The following HELQ variants were observed in gnomAD, a reference collection of about 807,000 sequenced individuals.
HELQ encodes the protein helicase POLQ-like.
In HELQ, 77 loss-of-function variants were observed where a neutral mutation model predicts 111.6. The ratio of observed to expected loss-of-function variants is 0.69; its 90% CI spans 0.57 to 0.83. The LOEUF (loss-of-function observed/expected upper bound fraction) is 0.83, where lower values mean the gene tolerates loss of function less well. Among genes scored for constraint, HELQ ranks in the 40% least tolerant of loss-of-function variants. HELQ has a pLI of 0.00. For synonymous variants in HELQ, 438 were observed against 454.7 expected, an observed-to-expected ratio of 0.96 and a Z score of 0.47; for missense variants, 1,200 against 1,288.5, an observed-to-expected ratio of 0.93 and a Z score of 1.05.
At chr4:83,442,951 T>C (rs1014451442) in intron 6 of HELQ, among the ~76,000 whole-genome samples, 1 of 152,118 alleles carries the variant, frequency 6.6e-6, no homozygotes, top group Non-Finnish European at 1.5e-5. Flanking sequence ...ACATACACAC[T>C]AGTAGTGCAC....
chr4:83,418,355 C>A, intron 15 of HELQ, 149 bp from the exon 16 acceptor site: 1 of 451,838 alleles, frequency 2.2e-6, no homozygotes. Flanking sequence ...CTAAGCAAAA[C>A]AGATGTGAAG....
At chr4:83,413,621 T>C (rs1235927422) in intron 17 of HELQ, among the ~76,000 whole-genome samples, 1 of 152,228 alleles carries the variant, frequency 6.6e-6, no homozygotes, top group African/African-American at 2.4e-5. Flanking sequence ...AATCTAGGTC[T>C]TAACGGTTTT....
Position 83,455,417 on chromosome 4 carries a change from C to CA in HELQ, c.276dup (p.Asp93Ter), listed in dbSNP as rs1721711733. 1 of 1,613,570 alleles carries CA rather than the reference C, an allele frequency of 6.2e-7. No homozygotes were observed. The highest frequency in any genetic ancestry group is 1.3e-5 in the African/African-American group (1 of 74,910). ...CGTACCTGGTCTCCCACCCCTCTGT[C>CA]AGTGGGCATGTGACGTAGGAGGTCC... On this transcript the variant is annotated frameshift_variant, in exon 1 of 18. Coordinates refer to ENST00000295488, the MANE Select transcript of HELQ (RefSeq NM_133636.5). LOFTEE classifies it high-confidence loss of function.
intron 16 of HELQ, among the ~76,000 whole-genome samples, chr4:83,417,589 C>T (rs565448049): frequency 5.9e-5 from 9 of 152,288 alleles, no homozygotes; most frequent in Admixed American, 3.9e-4. Flanking sequence ...CTAAGCAGAA[C>T]TCCTCTGACT....
intron 13 of HELQ, among the ~76,000 whole-genome samples, chr4:83,427,250 AC>A (rs1719895449): frequency 6.6e-6 from 1 of 152,184 alleles, no homozygotes; most frequent in Non-Finnish European, 1.5e-5. Flanking sequence ...TTAAAGTTAA[AC>A]GAACCATAAA....
chr4:83,425,046 G>A (rs1315868648), intron 14 of HELQ, among the ~76,000 whole-genome samples: 3 of 152,002 alleles, frequency 2.0e-5, no homozygotes, highest in Admixed American at 1.3e-4. Context: ...TTGGGAGAAC[G>A]AGGCGGGTGG....
intron 8 of HELQ, among the ~76,000 whole-genome samples, chr4:83,439,365 T>TAC (rs1720646072): frequency 8.4e-6 from 1 of 119,072 alleles, no homozygotes; most frequent in East Asian, 3.8e-4. Context: ...GTGCCTGGTC[T>TAC]TCTTTTTTTT....
chr4:83,431,970 T>C (rs910197277), intron 10 of HELQ, among the ~76,000 whole-genome samples, 156 bp downstream of exon 10: 5 of 152,064 alleles, frequency 3.3e-5, no homozygotes, highest in Non-Finnish European at 5.9e-5. Flanking sequence ...CTGAAATACA[T>C]ACATTTTCAA....
Position 83,418,118 on chromosome 4 carries a change from A to G in HELQ, c.3038T>C (p.Leu1013Pro), listed in dbSNP as rs765272326. 2 of 1,604,802 alleles carry G rather than the reference A, an allele frequency of 1.2e-6. No homozygotes were observed. The highest frequency in any genetic ancestry group is 2.7e-5 in the African/African-American group (2 of 74,644). The stretch of plus-strand genomic sequence containing the variant: ...CTCTAAAACTCCAGTAACTTCCATG[A>G]GAGGGATTAATTCTGCCTTTACACA... ...TYCVKAELIP[L>P]MEVTGVLEGR... The change falls in exon 16 of 18, where the codon CTC becomes CCC. Residue 1013 changes from leucine to proline, a missense_variant. Physicochemically the swap from Leu to Pro is moderately conservative, Grantham distance 98. Coordinates refer to ENST00000295488, the MANE Select transcript of HELQ (RefSeq NM_133636.5).
chr4:83,443,027 C>G (rs1411928310), intron 6 of HELQ, among the ~76,000 whole-genome samples: 3 of 152,132 alleles, frequency 2.0e-5, no homozygotes, highest in African/African-American at 7.2e-5. Context: ...TTACTTTCTT[C>G]AAGCATTTTG....
At chr4:83,451,553 C>T (rs571707579) in intron 2 of HELQ, among the ~76,000 whole-genome samples, 6 of 152,118 alleles carry the variant, frequency 3.9e-5, no homozygotes, top group African/African-American at 1.4e-4. Flanking sequence ...GTAGTCCCAG[C>T]TACTGGGGAG....
At chr4:83,422,300 G>T (rs574832417) in intron 14 of HELQ, among the ~76,000 whole-genome samples, 1 of 152,084 alleles carries the variant, frequency 6.6e-6, no homozygotes, top group African/African-American at 2.4e-5. Context: ...CTTCTACAGG[G>T]AAGGAATTGT....
intron 9 of HELQ, among the ~76,000 whole-genome samples, chr4:83,435,005 A>G (rs1483319571): frequency 3.9e-5 from 6 of 152,212 alleles, no homozygotes; most frequent in Admixed American, 1.3e-4. Context: ...GCTAAGCCCT[A>G]TGAATGAAAA....
intron 15 of HELQ, among the ~76,000 whole-genome samples, chr4:83,420,568 T>A: frequency 6.6e-6 from 1 of 152,044 alleles, no homozygotes; most frequent in Non-Finnish European, 1.5e-5. Context: ...GTGGATCACT[T>A]GAGGTCCGGA....
Position 83,436,875 on chromosome 4 carries a change from G to C in HELQ, c.2031C>G (p.Val677=), listed in dbSNP as rs754923319. 9.3e-6 allele frequency: 15 copies of C among 1,613,820 alleles called. No individual in the cohort carries two copies. In the South Asian group the frequency reaches 1.6e-4, roughly 18 times the overall value. ...TCTCTTACCTTCGAGCTGGTAGGTT[G>C]ACACCTGCCGCTAGGGTAGATGTGC... ...FTCTSTLAAG[V]NLPARRVILR... Residue 677 remains valine (V), a synonymous_variant, in exon 9 of 18, where the codon GTC becomes GTG. Coordinates refer to ENST00000295488, the MANE Select transcript of HELQ (RefSeq NM_133636.5).
chr4:83,455,856 C>A, upstream of HELQ: 1 of 788,924 alleles, frequency 1.3e-6, no homozygotes, highest in Non-Finnish European at 2.1e-6. Context: ...GCATAAACTT[C>A]TACCCTGTCC....
At chr4:83,426,306 T>C (rs78895784) in intron 13 of HELQ, among the ~76,000 whole-genome samples, 2 of 152,242 alleles carry the variant, frequency 1.3e-5, no homozygotes, top group African/African-American at 2.4e-5. Flanking sequence ...CCACAAGTAC[T>C]GGTTTCCATG....
At chr4:83,447,075 TTG>T in intron 3 of HELQ, 40 bp from the exon 4 acceptor site, 1 of 335,118 alleles carries the variant, frequency 3.0e-6, no homozygotes, top group Non-Finnish European at 4.2e-6. Context: ...TGGCCAGGCA[TTG>T]TGGCCAATGC....
intron 15 of HELQ, among the ~76,000 whole-genome samples, chr4:83,420,868 G>T (rs2109972838): frequency 6.6e-6 from 1 of 151,792 alleles, no homozygotes; most frequent in African/African-American, 2.4e-5. Context: ...AGCTCTGGAG[G>T]TCAAAGCTGC....
Sources: gnomAD v4.1 joint callset for allele counts (sites outside exome capture counted in the v4.1 genomes callset) on GRCh38, gnomAD v4.1.1 for gene constraint, MANE v1.5 for transcripts, NCBI Gene and HGNC (gene_info 2026-07-23, HGNC 2026-07-21) for gene names.